The following CAMKMT variants were observed in gnomAD, a reference collection of about 807,000 sequenced individuals.
The protein encoded by CAMKMT is CaM KMT.
In CAMKMT, 53 loss-of-function variants were observed where a neutral mutation model predicts 48.0. That is an observed-to-expected ratio of 1.10 (90% confidence interval 0.89 to 1.39). The LOEUF (loss-of-function observed/expected upper bound fraction) is 1.39. Among genes scored for constraint, CAMKMT ranks in the 40% most tolerant of loss-of-function variants. The probability of loss-of-function intolerance (pLI) is 0.00; values close to 1 mark genes in which losing one functional copy is unlikely to be tolerated. For missense variants in CAMKMT, 428 were observed against 402.7 expected (o/e 1.06, Z -0.54); for synonymous variants, 165 against 152.3 (o/e 1.08, Z -0.61).
rs17032178 is a variant in CAMKMT, at chr2:44,377,654, C to T, written c.311+4766C>T. On this transcript the variant is annotated intron_variant, in intron 2 of 10. Coordinates refer to ENST00000378494, the MANE Select transcript of CAMKMT (RefSeq NM_024766.5). Reference sequence around the variant, plus strand: ...TATAGAGAAAGCTGAGAGGCCTGAACTGTCCTTCTTTGTTTGAAGAAGACT... The same window carrying T: ...TATAGAGAAAGCTGAGAGGCCTGAATTGTCCTTCTTTGTTTGAAGAAGACT... Among the ~76,000 whole-genome samples the T allele has an allele frequency of 6.7e-3, 1,013 of 152,254 alleles. 11 individuals are homozygous for T. The highest frequency in any genetic ancestry group is 0.023 in the African/African-American group (967 of 41,530).
intron 3 of CAMKMT, among the ~76,000 whole-genome samples, chr2:44,666,972 T>C (rs1675020149): frequency 6.6e-6 from 1 of 152,190 alleles, no homozygotes; most frequent in Admixed American, 6.5e-5. Context: ...CCCCCAAACC[T>C]TCTGCACTTA....
At chr2:44,540,517 G>A (rs1667038228) in intron 3 of CAMKMT, among the ~76,000 whole-genome samples, 1 of 152,152 alleles carries the variant, frequency 6.6e-6, no homozygotes, top group African/African-American at 2.4e-5. Context: ...TTGGGAGGCC[G>A]AGGTGTGCGG....
chr2:44,455,987 T>C (rs1384887787), intron 3 of CAMKMT, among the ~76,000 whole-genome samples: 1 of 152,186 alleles, frequency 6.6e-6, no homozygotes, highest in African/African-American at 2.4e-5. Flanking sequence ...TAGCATGGGA[T>C]GGGATTTATA....
chr2:44,510,661 A>C (rs1190269743), intron 3 of CAMKMT, among the ~76,000 whole-genome samples: 1 of 152,076 alleles, frequency 6.6e-6, no homozygotes, highest in Non-Finnish European at 1.5e-5. Flanking sequence ...TTTTTAAAAA[A>C]CTTCATTTCA....
intron 3 of CAMKMT, among the ~76,000 whole-genome samples, chr2:44,429,807 C>CA (rs1168195679): frequency 0.61 from 39,232 of 64,718 alleles, 12,299 homozygotes; most frequent in South Asian, 0.65. Flanking sequence ...GACTCCGTCT[C>CA]AAAAAAAAAA....
intron 2 of CAMKMT, among the ~76,000 whole-genome samples, chr2:44,373,600 A>G (rs939879812): frequency 4.6e-5 from 7 of 152,218 alleles, no homozygotes; most frequent in Non-Finnish European, 5.9e-5. Context: ...AGAAGAGCAA[A>G]AAACATTTTA....
chr2:44,438,551 A>G (rs1310189082), intron 3 of CAMKMT, among the ~76,000 whole-genome samples: 2 of 152,216 alleles, frequency 1.3e-5, no homozygotes, highest in Non-Finnish European at 1.5e-5. Flanking sequence ...AGTTTAGGAA[A>G]CACTAGTCTG....
intron 3 of CAMKMT, among the ~76,000 whole-genome samples, chr2:44,692,144 G>A (rs951001203): frequency 6.6e-6 from 1 of 151,988 alleles, no homozygotes; most frequent in Non-Finnish European, 1.5e-5. Context: ...TTATCAATGA[G>A]GAATAATAAT....
At chr2:44,427,829 G>A (rs952055281) in intron 3 of CAMKMT, among the ~76,000 whole-genome samples, 2 of 152,120 alleles carry the variant, frequency 1.3e-5, no homozygotes, top group Non-Finnish European at 2.9e-5. Flanking sequence ...TAGTGAAATG[G>A]GAGAGTTCCT....
intron 3 of CAMKMT, among the ~76,000 whole-genome samples, chr2:44,659,079 T>G (rs1304347059): frequency 7.4e-6 from 1 of 135,620 alleles, no homozygotes; most frequent in Non-Finnish European, 1.5e-5. Context: ...TGTGTAGTTT[T>G]TTTTTTTTTT....
At chr2:44,394,710 G>A (rs1215893709) in intron 3 of CAMKMT, among the ~76,000 whole-genome samples, 10 of 152,228 alleles carry the variant, frequency 6.6e-5, no homozygotes, top group Non-Finnish European at 1.5e-4. Flanking sequence ...TTATAGGCAA[G>A]AGCCACTGTG....
At chr2:44,666,629 T>TTTTTTTTTTTA (rs1674987657) in intron 3 of CAMKMT, among the ~76,000 whole-genome samples, 2 of 145,386 alleles carry the variant, frequency 1.4e-5, no homozygotes, top group African/African-American at 5.3e-5. Context: ...TTTTTTTTTT[T>TTTTTTTTTTTA]GAGACAGAGT....
chr2:44,604,558 GTT>G (rs34125010), intron 3 of CAMKMT, among the ~76,000 whole-genome samples: 14 of 143,366 alleles, frequency 9.8e-5, no homozygotes, highest in East Asian at 2.0e-4. Flanking sequence ...AGCCAATCTG[GTT>G]TTTTTTTTTT....
intron 3 of CAMKMT, among the ~76,000 whole-genome samples, chr2:44,655,534 A>C (rs1022468243): frequency 2.0e-5 from 3 of 152,180 alleles, no homozygotes; most frequent in Admixed American, 6.5e-5. Flanking sequence ...TTTTTAATTA[A>C]GTGAAAGTGA....
intron 9 of CAMKMT, among the ~76,000 whole-genome samples, chr2:44,756,186 G>T (rs905234618): frequency 2.6e-5 from 4 of 152,220 alleles, no homozygotes; most frequent in African/African-American, 9.6e-5. Flanking sequence ...CCAGTGAAGA[G>T]CCCAGTCCCA....
chr2:44,772,050 C>G lies in CAMKMT; in HGVS notation c.909C>G (p.Asn303Lys). ...ATTGTTTTCAGTTGAAAAAGGAAAA[C>G]CCGGACATATATGAAGAAAACCTTC... Reference protein sequence around the residue: ...SNFHSKLKKENPDIYEENLHY... With the variant: ...SNFHSKLKKEKPDIYEENLHY... The change falls in exon 11 of 11, where the codon AAC becomes AAG. Residue 303 changes from asparagine to lysine, a missense_variant. By Grantham distance (94) the Asn-to-Lys change is moderately conservative (BLOSUM62 0). Transcript: ENST00000378494. 1.2e-6 allele frequency: 2 copies of G among 1,613,246 alleles called. No individual in the cohort carries two copies. Among genetic ancestry groups the G allele is most frequent in the East Asian group, 2.2e-5 (1 of 44,872 alleles).
intron 3 of CAMKMT, among the ~76,000 whole-genome samples, chr2:44,546,274 T>TTCTTAGC (rs1163742927): frequency 6.6e-6 from 1 of 151,694 alleles, no homozygotes; most frequent in Non-Finnish European, 1.5e-5. Context: ...TAAAATCTCC[T>TTCTTAGC]TCTTAGCCCA....
At chr2:44,704,945 A>T (rs1677469963) in intron 4 of CAMKMT, among the ~76,000 whole-genome samples, 1 of 152,114 alleles carries the variant, frequency 6.6e-6, no homozygotes, top group Non-Finnish European at 1.5e-5. Context: ...TAGGAAAAAA[A>T]AAAAAAACTT....
At chr2:44,751,785 T>C (rs1312870496) in intron 8 of CAMKMT, among the ~76,000 whole-genome samples, 33 of 152,214 alleles carry the variant, frequency 2.2e-4, no homozygotes, top group Admixed American at 2.2e-3. Flanking sequence ...TTTAATTGGC[T>C]TATGGTTCTG....
Sources: gnomAD v4.1 joint callset for allele counts (sites outside exome capture counted in the v4.1 genomes callset) on GRCh38, gnomAD v4.1.1 for gene constraint, MANE v1.5 for transcripts, NCBI Gene and HGNC (gene_info 2026-07-23, HGNC 2026-07-21) for gene names.